The following RAB6B variants were observed in gnomAD, a reference collection of about 807,000 sequenced individuals.
RAB6B encodes the protein RAB6B, member RAS oncogene family.
In RAB6B, 7 loss-of-function variants were observed where a neutral mutation model predicts 31.2. The ratio of observed to expected loss-of-function variants is 0.22; its 90% CI spans 0.13 to 0.42. The LOEUF (loss-of-function observed/expected upper bound fraction) is 0.42. Ranked by LOEUF, RAB6B falls within the 10% of genes least tolerant of loss-of-function variation. RAB6B has a pLI of 1.00. For missense variants in RAB6B, 149 were observed against 280.6 expected, an observed-to-expected ratio of 0.53 and a Z score of 3.35; for synonymous variants, 105 against 104.9, an observed-to-expected ratio of 1.00 and a Z score of -0.01.
At chr3:133,871,021 C>T (rs915067298) in intron 1 of RAB6B, among the ~76,000 whole-genome samples, 7 of 152,346 alleles carry the variant, frequency 4.6e-5, no homozygotes, top group South Asian at 4.1e-4. Context: ...GGGCCCCAGG[C>T]CCCCATCTCA....
chr3:133,843,133 G>T (rs1280751822), intron 2 of RAB6B, among the ~76,000 whole-genome samples: 2 of 152,212 alleles, frequency 1.3e-5, no homozygotes. Flanking sequence ...ACAAAGATAT[G>T]GGGGGTCATT....
rs79591979 is a variant in RAB6B at position 133,847,919 on chromosome 3, T to G, written c.130-6256A>C. 2.2e-3 allele frequency among the ~76,000 whole-genome samples: 335 copies of G among 152,330 alleles called. 3 individuals carry two copies. Among genetic ancestry groups the G allele is most frequent in the African/African-American group, 7.6e-3 (318 of 41,574 alleles). ...TCTCTTCTAGGATCTTCTTCCTTTC[T>G]TTCCCTAAAATGTTGGCATTTCCAC... On this transcript the variant is annotated intron_variant, in intron 2 of 7. Transcript: ENST00000285208.
intron 2 of RAB6B, among the ~76,000 whole-genome samples, chr3:133,853,814 A>C (rs1305998420): frequency 6.6e-6 from 1 of 152,208 alleles, no homozygotes; most frequent in Non-Finnish European, 1.5e-5. Context: ...GAAAGTGAAG[A>C]TAATGCATAC....
chr3:133,849,096 C>T (rs1935943935), intron 2 of RAB6B, among the ~76,000 whole-genome samples: 1 of 152,176 alleles, frequency 6.6e-6, no homozygotes, highest in African/African-American at 2.4e-5. Context: ...CTAATAATGT[C>T]CCCTTTTCTG....
intron 1 of RAB6B, among the ~76,000 whole-genome samples, chr3:133,880,500 C>T (rs2108012078): frequency 6.6e-6 from 1 of 152,368 alleles, no homozygotes; most frequent in Admixed American, 6.5e-5. Context: ...GGCCTCTAGA[C>T]TGCAGGCTGA....
At chr3:133,866,503 G>A (rs1319585856) in intron 1 of RAB6B, among the ~76,000 whole-genome samples, 1 of 152,226 alleles carries the variant, frequency 6.6e-6, no homozygotes, top group Non-Finnish European at 1.5e-5. Context: ...GCTGGTGTCA[G>A]AACAGCCCCA....
At chr3:133,855,879 C>A (rs182408232) in intron 2 of RAB6B, among the ~76,000 whole-genome samples, 1 of 152,312 alleles carries the variant, frequency 6.6e-6, no homozygotes, top group East Asian at 1.9e-4. Flanking sequence ...TTGGCTTTCC[C>A]AGCCTCTCTA....
At chr3:133,873,806 T>C (rs1936357219) in intron 1 of RAB6B, among the ~76,000 whole-genome samples, 2 of 152,342 alleles carry the variant, frequency 1.3e-5, no homozygotes, top group South Asian at 4.1e-4. Context: ...ACTTAACTAT[T>C]ATAATAGCCT....
At position 133,864,161 on chromosome 3, in the gene RAB6B, T is replaced by G. The variant is rs538246749; in HGVS notation, c.129+423A>C. 2.5e-4 allele frequency among the ~76,000 whole-genome samples: 23 copies of G among 92,458 alleles called. No individual in the cohort carries two copies. In the South Asian group the frequency reaches 7.9e-3, roughly 32 times the overall value. 60.7% of individuals were successfully genotyped at this position (92,458 alleles called of 152,430 possible). The stretch of plus-strand genomic sequence containing the variant: ...GCGCGTGTGTGTGTTTGTGTGCGTG[T>G]GTGGGGGGGGGCGGGGGTGAGAGAG... On this transcript the variant is annotated intron_variant, in intron 2 of 7. Transcript: ENST00000285208.
At chr3:133,874,210 A>G (rs1478861094) in intron 1 of RAB6B, among the ~76,000 whole-genome samples, 1 of 152,198 alleles carries the variant, frequency 6.6e-6, no homozygotes, top group African/African-American at 2.4e-5. Context: ...CCATCTATCT[A>G]TCTATAGTCA....
At chr3:133,892,440 A>T (rs1936649818) in intron 1 of RAB6B, among the ~76,000 whole-genome samples, 1 of 151,974 alleles carries the variant, frequency 6.6e-6, no homozygotes, top group Non-Finnish European at 1.5e-5. Context: ...AGGGCCTCCC[A>T]TTCAAACCAG....
In RAB6B at chr3:133,838,163, C is replaced by T. The variant is rs367582199; in HGVS notation, c.495+3G>A. On this transcript the variant is annotated splice_donor_region_variant and intron_variant, in intron 6 of 7. Transcript: ENST00000285208. ...CCGGGCCCCGTGCCAGGTGTGTCCT[C>T]ACCTGCTTCACGTTGTAGCCAGTCT... 5.6e-6 allele frequency: 9 copies of T among 1,613,444 alleles called. No homozygotes were observed. Among genetic ancestry groups the T allele is most frequent in the African/African-American group, 5.3e-5 (4 of 74,930 alleles).
At chr3:133,863,089 G>A (rs1936186912) in intron 2 of RAB6B, among the ~76,000 whole-genome samples, 1 of 152,146 alleles carries the variant, frequency 6.6e-6, no homozygotes, top group South Asian at 2.1e-4. Flanking sequence ...CTGGCCCAGA[G>A]AGGATACAAC....
intron 2 of RAB6B, among the ~76,000 whole-genome samples, chr3:133,844,413 ACCAGG>A (rs1481384731): frequency 6.6e-6 from 1 of 152,114 alleles, no homozygotes; most frequent in Non-Finnish European, 1.5e-5. Context: ...TCTCCATCTG[ACCAGG>A]CCACTGAGCC....
In RAB6B at chr3:133,827,586, C is replaced by A. The variant is rs1226908590; in HGVS notation, c.*1202G>T. ...CATCCTCAGGTGACCACAGCGCAGC[C>A]ACAGTAGCCACAAAGATATGTCCAC... is the stretch of plus-strand genomic sequence containing the variant. On this transcript the variant is annotated 3_prime_UTR_variant, in exon 8 of 8. Transcript: ENST00000285208. The A allele has an allele frequency of 1.1e-5, 4 of 350,898 alleles. No individual in the cohort carries two copies. The highest frequency in any genetic ancestry group is 2.1e-5 in the African/African-American group (1 of 47,844). The allele number at this position is 350,898 out of a possible 1,614,324, so 21.7% of individuals were successfully genotyped here.
At chr3:133,882,450 A>G (rs1936481791) in intron 1 of RAB6B, among the ~76,000 whole-genome samples, 1 of 152,186 alleles carries the variant, frequency 6.6e-6, no homozygotes, top group Non-Finnish European at 1.5e-5. Context: ...CTACCACACC[A>G]TCTCACAGTC....
In RAB6B at chr3:133,827,075, AG is replaced by A. The variant is rs1245869129; in HGVS notation, c.*1712del. ...TTCACCTGAAGATAAATTCCTTGCT[AG>A]AGATGAGCTCTGGCATACAGCCTCC... On this transcript the variant is annotated 3_prime_UTR_variant, in exon 8 of 8. Coordinates refer to ENST00000285208, the MANE Select transcript of RAB6B (RefSeq NM_016577.4). 6.6e-6 allele frequency: 1 copy of A among 152,666 alleles called. No homozygotes were observed. The highest frequency in any genetic ancestry group is 1.5e-5 in the Non-Finnish European group (1 of 68,054). 9.5% of individuals were successfully genotyped at this position (152,666 alleles called of 1,614,324 possible).
rs371086033 is a variant in RAB6B at position 133,843,314 on chromosome 3, C to G, written c.130-1651G>C. Among the ~76,000 whole-genome samples, 90 of 152,346 alleles carry G rather than the reference C, an allele frequency of 5.9e-4. 4 individuals are homozygous for G. Among genetic ancestry groups the G allele is most frequent in the African/African-American group, 2.1e-3 (88 of 41,584 alleles). On this transcript the variant is annotated intron_variant, in intron 2 of 7. Transcript: ENST00000285208. The stretch of plus-strand genomic sequence containing the variant: ...GGGCTGGGAAGATCAGAGCTGCAAA[C>G]TTGGCAGCACCTGGGCTCTTTCTAC...
chr3:133,841,231 T>C lies in RAB6B; in HGVS notation c.289+54A>G, dbSNP rs112412721. 5.6e-3 allele frequency: 8,672 copies of C among 1,555,450 alleles called. 361 individuals are homozygous for C. The African/African-American group carries it at 0.1, about 18-fold the overall frequency. ...ACACAGGCCTGGCCAGGGTCACACC[T>C]GGGCCCTGGACCCCCTATGAGCCAC... On this transcript the variant is annotated intron_variant, in intron 4 of 7. Transcript: ENST00000285208.
Sources: gnomAD v4.1 joint callset for allele counts (sites outside exome capture counted in the v4.1 genomes callset) on GRCh38, gnomAD v4.1.1 for gene constraint, MANE v1.5 for transcripts, NCBI Gene and HGNC (gene_info 2026-07-23, HGNC 2026-07-21) for gene names.